The following FMNL2 variants were observed in gnomAD, a reference collection of about 807,000 sequenced individuals.
FMNL2 encodes formin like 2.
In FMNL2, 51 loss-of-function variants were observed where a neutral mutation model predicts 130.2. That is an observed-to-expected ratio of 0.39 (90% confidence interval 0.31 to 0.49). The LOEUF (loss-of-function observed/expected upper bound fraction) is 0.49, where lower values mean the gene tolerates loss of function less well. FMNL2 is among the 20% of genes least tolerant of loss of function. The pLI is 0.85. For synonymous variants in FMNL2, 465 were observed against 467.1 expected (o/e 1.00, Z 0.06); for missense variants, 977 against 1,316.2 (o/e 0.74, Z 3.99).
intron 1 of FMNL2, among the ~76,000 whole-genome samples, chr2:152,453,209 G>T (rs558911665): frequency 5.6e-4 from 81 of 145,288 alleles, no homozygotes; most frequent in African/African-American, 2.2e-3. Context: ...CTTGGCGTCA[G>T]GGGGTGGGGG....
intron 1 of FMNL2, among the ~76,000 whole-genome samples, chr2:152,357,971 T>G (rs1682928692): frequency 6.6e-6 from 1 of 152,110 alleles, no homozygotes; most frequent in Non-Finnish European, 1.5e-5. Context: ...AACATTTGAG[T>G]CAGTCAACTG....
intron 7 of FMNL2, 53 bp downstream of exon 7, chr2:152,575,297 G>A: frequency 8.3e-7 from 1 of 1,207,004 alleles, no homozygotes; most frequent in Non-Finnish European, 1.2e-6. Context: ...ATCAGACTCA[G>A]AAATGACTGC....
At chr2:152,412,449 TATATATATATATATATATATA>T (rs1686351772) in intron 1 of FMNL2, among the ~76,000 whole-genome samples, 47 of 10,340 alleles carry the variant, frequency 4.5e-3, no homozygotes, top group South Asian at 0.019. Context: ...GTATATTTTA[TATATATATATATATATATATA>T]TATATATATA....
At chr2:152,499,142 T>A (rs184418359) in intron 1 of FMNL2, among the ~76,000 whole-genome samples, 1 of 152,194 alleles carries the variant, frequency 6.6e-6, no homozygotes, top group Non-Finnish European at 1.5e-5. Flanking sequence ...TGAAGCCTGA[T>A]TGGGGAGTCA....
At chr2:152,555,490 T>A (rs556643893) in intron 4 of FMNL2, among the ~76,000 whole-genome samples, 1 of 152,322 alleles carries the variant, frequency 6.6e-6, no homozygotes, top group East Asian at 1.9e-4. Context: ...GCCAGGAACA[T>A]CTCTTAAGAC....
At chr2:152,471,362 T>G (rs1689849854) in intron 1 of FMNL2, among the ~76,000 whole-genome samples, 1 of 152,198 alleles carries the variant, frequency 6.6e-6, no homozygotes. Context: ...GCCCTTCATT[T>G]TGATCCTCTG....
intron 1 of FMNL2, among the ~76,000 whole-genome samples, chr2:152,373,118 A>G (rs1175663840): frequency 2.0e-5 from 3 of 152,204 alleles, no homozygotes; most frequent in Non-Finnish European, 2.9e-5. Context: ...GGTTTAAACA[A>G]AGTTATCTTG....
intron 2 of FMNL2, among the ~76,000 whole-genome samples, chr2:152,541,465 T>C (rs1399333393): frequency 6.6e-6 from 1 of 152,198 alleles, no homozygotes; most frequent in Non-Finnish European, 1.5e-5. Context: ...AAAAGGTAGT[T>C]AAGCCCGAGA....
At position 152,626,694 on chromosome 2, in the gene FMNL2, A is replaced by G; in HGVS notation, c.2132A>G (p.Lys711Arg). The G allele has an allele frequency of 6.2e-7, 1 of 1,612,476 alleles. No individual in the cohort carries two copies. Among genetic ancestry groups the G allele is most frequent in the Non-Finnish European group, 8.5e-7 (1 of 1,179,288 alleles). ...NLAITLRKAG[K>R]TADEICKAIH... ...GCCATAACTTTAAGGAAAGCTGGAA[A>G]GACTGCTGATGAAATATGTAAAGCT... The change falls in exon 17 of 26, where the codon AAG becomes AGG. Residue 711 changes from lysine to arginine, a missense_variant. Physicochemically the swap from Lys to Arg is conservative, Grantham distance 26 (BLOSUM62 2). Transcript: ENST00000288670.
intron 1 of FMNL2, among the ~76,000 whole-genome samples, chr2:152,456,290 G>C (rs1396488120): frequency 1.3e-5 from 2 of 152,180 alleles, no homozygotes; most frequent in South Asian, 4.1e-4. Context: ...TGGTAGATGA[G>C]GTTGAAAAGG....
At chr2:152,397,792 T>C (rs1487088638) in intron 1 of FMNL2, among the ~76,000 whole-genome samples, 3 of 152,118 alleles carry the variant, frequency 2.0e-5, no homozygotes, top group Admixed American at 6.6e-5. Context: ...TGTATGTCAT[T>C]CTTCTCTGTG....
intron 2 of FMNL2, among the ~76,000 whole-genome samples, chr2:152,531,354 G>C (rs1048777299): frequency 8.5e-5 from 13 of 152,248 alleles, no homozygotes; most frequent in South Asian, 6.2e-4. Flanking sequence ...TTGACCATGT[G>C]GGTCACAGAT....
At chr2:152,628,207 G>A (rs1681927132) in intron 17 of FMNL2, 92 bp from the exon 18 acceptor site, 1 of 1,070,142 alleles carries the variant, frequency 9.3e-7, no homozygotes, top group Admixed American at 1.9e-5. Flanking sequence ...CCAGATGGAT[G>A]ATGGATGGAT....
intron 1 of FMNL2, among the ~76,000 whole-genome samples, chr2:152,352,713 CT>C (rs70974853): frequency 0.17 from 24,552 of 145,702 alleles, 3,435 homozygotes; most frequent in East Asian, 0.73. Flanking sequence ...GTGATCAAAT[CT>C]TTTTTTTTTT....
At chr2:152,617,239 T>C in intron 13 of FMNL2, 47 bp downstream of exon 13, 3 of 1,548,308 alleles carry the variant, frequency 1.9e-6, no homozygotes, top group Admixed American at 1.7e-5. Context: ...GTAGGGAATG[T>C]ACTCCAGCTT....
intron 1 of FMNL2, among the ~76,000 whole-genome samples, chr2:152,500,374 T>TCTC (rs1232022846): frequency 1.3e-5 from 2 of 152,174 alleles, no homozygotes; most frequent in Admixed American, 6.5e-5. Context: ...TCGTGTTCTA[T>TCTC]CTCCTCCTCC....
chr2:152,615,003 A>G lies in FMNL2; in HGVS notation c.1212+3A>G, dbSNP rs1220331293. Reference sequence around the variant, plus strand: ...AACTGGAAGAAAACATTTCTCATGTAACTATATCTCAGAAAAGGAAAAATT... The same window carrying G: ...AACTGGAAGAAAACATTTCTCATGTGACTATATCTCAGAAAAGGAAAAATT... On this transcript the variant is annotated splice_donor_region_variant and intron_variant, in intron 12 of 25. Transcript: ENST00000288670. The G allele has an allele frequency of 1.6e-5, 26 of 1,608,160 alleles. No individual in the cohort carries two copies. The highest frequency in any genetic ancestry group is 2.1e-5 in the Non-Finnish European group (25 of 1,178,646).
At chr2:152,548,458 T>C (rs979812974) in intron 3 of FMNL2, among the ~76,000 whole-genome samples, 2 of 152,310 alleles carry the variant, frequency 1.3e-5, no homozygotes, top group East Asian at 1.9e-4. Context: ...TGTAATGTAC[T>C]AGGCAGAGAG....
intron 2 of FMNL2, chr2:152,539,153 T>C (rs906356121): frequency 4.6e-5 from 7 of 152,180 alleles, no homozygotes; most frequent in Admixed American, 2.6e-4. Context: ...TTGCACTGTG[T>C]AGAAATGTTA....
Sources: allele counts gnomAD v4.1 joint callset (sites outside exome capture counted in the v4.1 genomes callset), GRCh38; gene constraint gnomAD v4.1.1; transcripts MANE v1.5; gene names NCBI Gene and HGNC (gene_info 2026-07-23, HGNC 2026-07-21).